Variants in DDAH1 observed in about 807,000 individuals in gnomAD.
DDAH1 encodes the protein dimethylarginine dimethylaminohydrolase 1.
Under a neutral mutation model 28.8 loss-of-function variants are expected in DDAH1, and 19 were observed. The ratio of observed to expected loss-of-function variants is 0.66; its 90% CI spans 0.46 to 0.97. The LOEUF (loss-of-function observed/expected upper bound fraction) is 0.97. DDAH1 is among the 50% of genes least tolerant of loss of function. The pLI is 0.00. For missense variants in DDAH1, 326 were observed against 375.9 expected (o/e 0.87, Z 1.10); for synonymous variants, 153 against 154.4 (o/e 0.99, Z 0.07).
At chr1:85,428,672 C>T (rs917743006) in intron 1 of DDAH1, among the ~76,000 whole-genome samples, 3 of 152,088 alleles carry the variant, frequency 2.0e-5, no homozygotes, top group Non-Finnish European at 4.4e-5. Context: ...CATCAACTTC[C>T]TGCAGCAAAG....
At chr1:85,374,552 A>T (rs1650556359) in intron 1 of DDAH1, among the ~76,000 whole-genome samples, 1 of 152,166 alleles carries the variant, frequency 6.6e-6, no homozygotes, top group Admixed American at 6.6e-5. Context: ...CCCATCCCAC[A>T]AATTTAATGT....
At chr1:85,451,125 C>G (rs1185750487) in intron 1 of DDAH1, among the ~76,000 whole-genome samples, 1 of 152,152 alleles carries the variant, frequency 6.6e-6, no homozygotes, top group East Asian at 1.9e-4. Context: ...TTACCATCCT[C>G]CTGGCATGTT....
upstream of DDAH1, among the ~76,000 whole-genome samples, chr1:85,466,662 A>G (rs1486002436): frequency 6.6e-6 from 1 of 152,136 alleles, no homozygotes; most frequent in African/African-American, 2.4e-5. Flanking sequence ...CAAAATTCTT[A>G]GGGGATCCAG....
intron 1 of DDAH1, among the ~76,000 whole-genome samples, chr1:85,436,125 T>C (rs1228110180): frequency 6.6e-6 from 1 of 152,096 alleles, no homozygotes; most frequent in African/African-American, 2.4e-5. Context: ...TATATTTTAT[T>C]GCATTGGCCA....
chr1:85,368,725 A>G (rs1314796581), intron 1 of DDAH1, among the ~76,000 whole-genome samples: 1 of 152,204 alleles, frequency 6.6e-6, no homozygotes, highest in Non-Finnish European at 1.5e-5. Flanking sequence ...TAGGCTAAAA[A>G]CCAGGGAACT....
intron 1 of DDAH1, among the ~76,000 whole-genome samples, chr1:85,514,316 T>C (rs1178162307): frequency 2.6e-5 from 4 of 152,080 alleles, no homozygotes; most frequent in Non-Finnish European, 5.9e-5. Flanking sequence ...TTCTCACTCA[T>C]AGGTGGGAAT....
At chr1:85,479,162 T>C (rs916736158) in intron 2 of DDAH1, among the ~76,000 whole-genome samples, 3 of 121,642 alleles carry the variant, frequency 2.5e-5, no homozygotes, top group East Asian at 2.2e-4. Flanking sequence ...TGTTTTTCTT[T>C]TTTTTTTTTT....
intron 4 of DDAH1, among the ~76,000 whole-genome samples, chr1:85,328,826 C>T (rs889267801): frequency 6.6e-6 from 1 of 152,164 alleles, no homozygotes; most frequent in Non-Finnish European, 1.5e-5. Context: ...CTTTTCTAAG[C>T]AATTGGGAAA....
chr1:85,403,942 C>A (rs1198095408), intron 1 of DDAH1, among the ~76,000 whole-genome samples: 2 of 152,094 alleles, frequency 1.3e-5, no homozygotes, highest in African/African-American at 2.4e-5. Context: ...GTACTCTTGG[C>A]AAAATTTACT....
chr1:85,412,637 A>C (rs911868121), intron 1 of DDAH1, among the ~76,000 whole-genome samples: 1 of 152,170 alleles, frequency 6.6e-6, no homozygotes, highest in African/African-American at 2.4e-5. Context: ...TCATCCTTGG[A>C]AAAGCATCAA....
At chr1:85,392,344 C>T (rs1651592528) in intron 1 of DDAH1, among the ~76,000 whole-genome samples, 1 of 152,152 alleles carries the variant, frequency 6.6e-6, no homozygotes, top group Admixed American at 6.5e-5. Flanking sequence ...TTAGGGCCTA[C>T]TCTAATTACC....
Position 85,464,614 on chromosome 1 carries a change from GCCC to G in DDAH1, c.303+126_303+128del, listed in dbSNP as rs1655267491. 3 of 1,457,910 alleles carry G rather than the reference GCCC, an allele frequency of 2.1e-6. No individual in the cohort carries two copies. The highest frequency in any genetic ancestry group is 1.4e-5 in the African/African-American group (1 of 69,052). The allele number at this position is 1,457,910 out of a possible 1,614,324, so 90.3% of individuals were successfully genotyped here. A position where few individuals can be genotyped will look rare whatever the true frequency, so the allele number is the denominator to read the frequency against. ...GACACACACACACACACACACACTC[GCCC>G]CCCGACGGGAAGTTGTGAACTACTA... On this transcript the variant is annotated intron_variant, in intron 1 of 5. Transcript: ENST00000284031. This position sits in a 1 kb window ranked among gnomAD's most constrained non-coding sequence, Gnocchi z 4.4.
chr1:85,374,280 C>G lies in DDAH1; in HGVS notation c.304-15433G>C, dbSNP rs147308407. Among the ~76,000 whole-genome samples, 913 of 152,208 alleles carry G rather than the reference C, an allele frequency of 6.0e-3. 13 individuals are homozygous for G. Among genetic ancestry groups the G allele is most frequent in the Admixed American group, 0.043 (649 of 15,266 alleles). On this transcript the variant is annotated intron_variant, in intron 1 of 5. Transcript: ENST00000284031. ...TGAACTCAAAACAGCCCCAGACCAA[C>G]TTTTTCTCCTACATGACCCATTTCT...
At chr1:85,446,687 C>CCTTCCT (rs904593865) in intron 1 of DDAH1, among the ~76,000 whole-genome samples, 2 of 152,062 alleles carry the variant, frequency 1.3e-5, no homozygotes, top group African/African-American at 4.8e-5. Flanking sequence ...ATCCCACCTC[C>CCTTCCT]CTTCCTCTCC....
At chr1:85,534,279 A>G (rs1161325390) in intron 1 of DDAH1, among the ~76,000 whole-genome samples, 1 of 152,164 alleles carries the variant, frequency 6.6e-6, no homozygotes, top group Non-Finnish European at 1.5e-5. Flanking sequence ...CCTAAAATAT[A>G]CACAAAGACA....
At chr1:85,530,364 T>A (rs557872107) in intron 1 of DDAH1, among the ~76,000 whole-genome samples, 2,075 of 152,278 alleles carry the variant, frequency 0.014, 25 homozygotes, top group Non-Finnish European at 0.021. Context: ...AAGTATTAGT[T>A]TGAACCACAT....
chr1:85,350,385 C>T, intron 4 of DDAH1, 30 bp downstream of exon 4: 2 of 1,604,376 alleles, frequency 1.2e-6, no homozygotes, highest in South Asian at 1.1e-5. Context: ...ACCCCCACTA[C>T]ATTTAGAAGG....
chr1:85,458,000 T>C (rs1457769061), intron 1 of DDAH1, among the ~76,000 whole-genome samples: 1 of 134,116 alleles, frequency 7.5e-6, no homozygotes, highest in Non-Finnish European at 1.7e-5. Context: ...AAAACGTCTT[T>C]TAATAAAGGC....
intron 1 of DDAH1, among the ~76,000 whole-genome samples, chr1:85,547,065 T>C (rs1418311259): frequency 2.0e-5 from 3 of 152,112 alleles, no homozygotes; most frequent in African/African-American, 7.2e-5. Context: ...CAAACCTTTT[T>C]CCCATCCTCT....
Sources: allele counts gnomAD v4.1 joint callset (sites outside exome capture counted in the v4.1 genomes callset), GRCh38; gene constraint gnomAD v4.1.1; non-coding constraint Gnocchi (gnomAD v3.1); transcripts MANE v1.5; gene names NCBI Gene and HGNC (gene_info 2026-07-23, HGNC 2026-07-21).